Variants in WDR89 observed in about 807,000 individuals in gnomAD.
WDR89 encodes the protein WD repeat domain 89, also known as WD repeat-containing protein 89.
A neutral mutation model predicts 29.1 loss-of-function variants in WDR89; 17 were observed. The observed-to-expected ratio is 0.58, with a 90% CI of 0.40 to 0.88. The LOEUF (loss-of-function observed/expected upper bound fraction) is 0.88. WDR89 is among the 40% of genes least tolerant of loss of function. The probability of loss-of-function intolerance (pLI) is 0.00; values close to 1 mark genes in which losing one functional copy is unlikely to be tolerated. For synonymous variants in WDR89, 138 were observed against 157.8 expected (o/e 0.87, Z 0.94); for missense variants, 396 against 456.3 (o/e 0.87, Z 1.20).
At chr14:63,604,787 A>G (rs1895230539) in intron 2 of WDR89, among the ~76,000 whole-genome samples, 1 of 152,204 alleles carries the variant, frequency 6.6e-6, no homozygotes, top group Admixed American at 6.5e-5. Flanking sequence ...ACTTTCACAC[A>G]TTAAAATCAC....
chr14:63,626,474 T>C (rs1368763133), intron 1 of WDR89, among the ~76,000 whole-genome samples: 1 of 150,510 alleles, frequency 6.6e-6, no homozygotes, highest in Non-Finnish European at 1.5e-5. Flanking sequence ...CTCAAGAGTT[T>C]GAGACCAGCC....
At chr14:63,623,703 C>CAA (rs34839479) in intron 2 of WDR89, among the ~76,000 whole-genome samples, 499 of 39,066 alleles carry the variant, frequency 0.013, 48 homozygotes, top group African/African-American at 0.019. Context: ...GACTCTGTCT[C>CAA]AAAAAAAAAA....
chr14:63,631,067 T>TA (rs1307615801), intron 1 of WDR89, among the ~76,000 whole-genome samples: 39 of 152,224 alleles, frequency 2.6e-4, no homozygotes, highest in Admixed American at 2.6e-3. Flanking sequence ...GCCCAGCCTG[T>TA]ACTGTCTATT....
intron 1 of WDR89, among the ~76,000 whole-genome samples, chr14:63,641,110 A>AAAAAAG (rs796678998): frequency 6.7e-6 from 1 of 150,122 alleles, no homozygotes; most frequent in Non-Finnish European, 1.5e-5. Flanking sequence ...AAAAAAAAAA[A>AAAAAAG]AAAAAGAAAA....
intron 2 of WDR89, among the ~76,000 whole-genome samples, chr14:63,611,273 G>T (rs1043486141): frequency 6.8e-6 from 1 of 146,946 alleles, no homozygotes; most frequent in Non-Finnish European, 1.5e-5. Flanking sequence ...GGAGGCGGAG[G>T]TTGCGGTAGA....
intron 1 of WDR89, among the ~76,000 whole-genome samples, chr14:63,632,552 G>A (rs1883477421): frequency 6.6e-6 from 1 of 152,104 alleles, no homozygotes; most frequent in Non-Finnish European, 1.5e-5. Context: ...AGAATCAATT[G>A]AACCCGGGAG....
intron 1 of WDR89, among the ~76,000 whole-genome samples, chr14:63,637,010 A>G (rs1883775553): frequency 6.6e-6 from 1 of 152,224 alleles, no homozygotes. Context: ...TTCACAATCT[A>G]TACATCTGAC....
At chr14:63,638,684 T>C (rs10498509) in intron 1 of WDR89, among the ~76,000 whole-genome samples, 6,380 of 152,314 alleles carry the variant, frequency 0.042, 183 homozygotes, top group South Asian at 0.084. Context: ...AGTGGAAAAA[T>C]TGGCGAAGCT....
At chr14:63,615,185 G>A (rs1030029670) in intron 2 of WDR89, among the ~76,000 whole-genome samples, 1 of 152,160 alleles carries the variant, frequency 6.6e-6, no homozygotes, top group African/African-American at 2.4e-5. Flanking sequence ...AGTTTTGCAT[G>A]TAAATCTTGC....
chr14:63,641,467 G>C (rs1002069892), intron 1 of WDR89: 2 of 152,412 alleles, frequency 1.3e-5, no homozygotes, highest in African/African-American at 4.8e-5. Flanking sequence ...GGAGAGGAAA[G>C]AGCAGGAGGA....
At chr14:63,617,574 T>A (rs1882399776) in intron 2 of WDR89, among the ~76,000 whole-genome samples, 1 of 152,074 alleles carries the variant, frequency 6.6e-6, no homozygotes, top group South Asian at 2.1e-4. Context: ...CACTGTAACC[T>A]CCCAGGTTCA....
At chr14:63,641,314 T>C (rs1270518312) in intron 1 of WDR89, 1 of 152,212 alleles carries the variant, frequency 6.6e-6, no homozygotes. Flanking sequence ...TAGATAGCCA[T>C]GTGGTTTAAA....
chr14:63,633,835 AG>A (rs1319394399), intron 1 of WDR89, among the ~76,000 whole-genome samples: 1 of 152,232 alleles, frequency 6.6e-6, no homozygotes, highest in Admixed American at 6.5e-5. Context: ...GAGGATAAAA[AG>A]TTCACATGTG....
intron 2 of WDR89, chr14:63,601,646 C>T (rs1895069774): frequency 9.9e-6 from 16 of 1,613,080 alleles, no homozygotes; most frequent in African/African-American, 5.3e-5. Context: ...CAACAGTAGT[C>T]GCTGTTGGAT....
intron 1 of WDR89, among the ~76,000 whole-genome samples, chr14:63,636,043 T>A (rs936508313): frequency 6.6e-6 from 1 of 151,624 alleles, no homozygotes; most frequent in African/African-American, 2.4e-5. Flanking sequence ...CCCATCTCTA[T>A]CAAAAATACA....
At chr14:63,601,570 C>A in intron 2 of WDR89, 1 of 1,601,092 alleles carries the variant, frequency 6.2e-7, no homozygotes, top group Admixed American at 1.7e-5. Context: ...GAAAGGAGTG[C>A]TGTTGAAACT....
intron 2 of WDR89, among the ~76,000 whole-genome samples, chr14:63,611,872 G>A (rs1444878104): frequency 2.6e-5 from 4 of 151,604 alleles, no homozygotes; most frequent in East Asian, 1.9e-4. Flanking sequence ...GATTATAGAC[G>A]TGCACCACCA....
rs75471026 is a variant in WDR89 at position 63,614,628 on chromosome 14, C to A, written c.-32+10300G>T. Among the ~76,000 whole-genome samples the A allele has an allele frequency of 5.4e-3, 822 of 152,234 alleles. 3 individuals are homozygous for A. Among genetic ancestry groups the A allele is most frequent in the African/African-American group, 0.018 (760 of 41,542 alleles). ...CCAGTATGTCCTAGAGGAAACAATA[C>A]CTTGGGATAAAAAGCATACACTGGT... On this transcript the variant is annotated intron_variant, in intron 2 of 2. Transcript: ENST00000620954.
At chr14:63,625,495 A>G (rs1882978359) in intron 1 of WDR89, among the ~76,000 whole-genome samples, 2 of 151,480 alleles carry the variant, frequency 1.3e-5, no homozygotes, top group South Asian at 4.2e-4. Context: ...AATGTAAATT[A>G]CACTTTAACA....
Sources: allele counts gnomAD v4.1 joint callset (sites outside exome capture counted in the v4.1 genomes callset), GRCh38; gene constraint gnomAD v4.1.1; transcripts MANE v1.5; gene names NCBI Gene and HGNC (gene_info 2026-07-23, HGNC 2026-07-21).